The following NSUN6 variants were observed in gnomAD, a reference collection of about 807,000 sequenced individuals.
NSUN6 encodes tRNA (cytosine(72)-C(5))-methyltransferase NSUN6.
A neutral mutation model predicts 58.0 loss-of-function variants in NSUN6; 64 were observed. The ratio of observed to expected loss-of-function variants is 1.10; its 90% CI spans 0.90 to 1.36. The LOEUF is 1.36. Among genes scored for constraint, NSUN6 ranks in the 40% most tolerant of loss-of-function variants. The pLI, the probability that NSUN6 is intolerant of heterozygous loss-of-function variation, is 0.00. For synonymous variants in NSUN6, 231 were observed against 193.9 expected (o/e 1.19, Z -1.59); for missense variants, 701 against 550.1 (o/e 1.27, Z -2.74).
At position 18,605,157 on chromosome 10, in the gene NSUN6, T is replaced by C. The variant is rs367807792; in HGVS notation, c.657+4688A>G. Among the ~76,000 whole-genome samples the C allele has an allele frequency of 1.2e-4, 18 of 150,736 alleles. No homozygotes were observed. The East Asian group carries it at 3.0e-3, about 25-fold the overall frequency. On this transcript the variant is annotated intron_variant, in intron 6 of 10. Transcript: ENST00000377304. ...GTCTCGGCCTCCCAAAGTGCTGGGA[T>C]TACAGGCGTGAGCCACCGTGCCTAG...
chr10:18,558,386 A>G (rs1352498955), intron 8 of NSUN6, among the ~76,000 whole-genome samples: 1 of 151,146 alleles, frequency 6.6e-6, no homozygotes, highest in Non-Finnish European at 1.5e-5. Flanking sequence ...ATGGAATGGA[A>G]TGCAGTGGTG....
intron 3 of NSUN6, among the ~76,000 whole-genome samples, chr10:18,637,419 A>G (rs1384099613): frequency 1.3e-5 from 2 of 152,274 alleles, no homozygotes; most frequent in African/African-American, 2.4e-5. Flanking sequence ...GGATGATTAA[A>G]GCCACATAAA....
In NSUN6 at chr10:18,550,130, C is replaced by T. The variant is rs2054511561; in HGVS notation, c.1071+1693G>A. ...GTCAGCTTTTCCTTCTCATTGAGAT[C>T]ATTCATCTACTCCTAGTAGCCTTTT... On this transcript the variant is annotated intron_variant, in intron 9 of 10. Transcript: ENST00000377304. Among the ~76,000 whole-genome samples, 5 of 152,200 alleles carry T rather than the reference C, an allele frequency of 3.3e-5. No homozygotes were observed. The South Asian group carries it at 1.0e-3, about 31-fold the overall frequency.
At chr10:18,612,473 T>C (rs770017807) in intron 5 of NSUN6, among the ~76,000 whole-genome samples, 8 of 152,164 alleles carry the variant, frequency 5.3e-5, no homozygotes, top group Non-Finnish European at 1.0e-4. Flanking sequence ...CTTACCTTGA[T>C]CAATACCCAG....
intron 5 of NSUN6, 71 bp from the exon 6 acceptor site, chr10:18,609,997 G>T: frequency 1.1e-6 from 1 of 910,918 alleles, no homozygotes; most frequent in Non-Finnish European, 1.8e-6. Flanking sequence ...TTCCAGAAAC[G>T]TTCTCCAATA....
At chr10:18,652,991 C>T, upstream of NSUN6, 1 of 985,014 alleles carries the variant, frequency 1.0e-6, no homozygotes, top group Middle Eastern at 5.2e-4. Flanking sequence ...TTGACCATAG[C>T]ATATTTCTTC....
At chr10:18,602,549 T>C (rs558823041) in intron 6 of NSUN6, among the ~76,000 whole-genome samples, 17 of 145,650 alleles carry the variant, frequency 1.2e-4, no homozygotes, top group Admixed American at 8.9e-4. Flanking sequence ...TTTGTATTTT[T>C]AGTAGAGATG....
At chr10:18,641,186 C>T (rs1472576780) in intron 3 of NSUN6, among the ~76,000 whole-genome samples, 11 of 151,970 alleles carry the variant, frequency 7.2e-5, no homozygotes, top group Non-Finnish European at 8.8e-5. Context: ...TTTATTAAAC[C>T]ACTGCTCTAT....
intron 8 of NSUN6, among the ~76,000 whole-genome samples, chr10:18,580,532 C>T (rs1348254583): frequency 2.0e-5 from 3 of 152,138 alleles, no homozygotes; most frequent in Non-Finnish European, 4.4e-5. Context: ...TCCACCCAGC[C>T]CCCATTCATA....
At chr10:18,562,202 G>T (rs1381038622) in intron 8 of NSUN6, among the ~76,000 whole-genome samples, 1 of 150,326 alleles carries the variant, frequency 6.7e-6, no homozygotes, top group East Asian at 2.0e-4. Context: ...GAATGGAATG[G>T]AGAATAGAAT....
At chr10:18,637,208 C>T (rs1285282112) in intron 3 of NSUN6, among the ~76,000 whole-genome samples, 2 of 152,056 alleles carry the variant, frequency 1.3e-5, no homozygotes, top group African/African-American at 4.8e-5. Flanking sequence ...GGTGATCCAC[C>T]CCCCTGGGCC....
chr10:18,648,505 A>G lies in NSUN6; in HGVS notation c.216T>C (p.Leu72=). The change falls in exon 2 of 11, where the codon CTT becomes CTC. Residue 72 remains leucine (L), a synonymous_variant. Transcript: ENST00000377304. ...TTCCACAAACCTTCTGAAGTTCATCAAGTAACAGATTTTTCACATGTTGTA... is the reference window on the plus strand; with the variant it reads ...TTCCACAAACCTTCTGAAGTTCATCGAGTAACAGATTTTTCACATGTTGTA... ...ASVQHVKNLL[L]DELQKQFNGL... 1 of 1,599,526 alleles carries G rather than the reference A, an allele frequency of 6.3e-7. No individual in the cohort carries two copies. Among genetic ancestry groups the G allele is most frequent in the Non-Finnish European group, 8.5e-7 (1 of 1,170,446 alleles).
At chr10:18,563,344 A>T (rs145222349) in intron 8 of NSUN6, among the ~76,000 whole-genome samples, 1 of 151,108 alleles carries the variant, frequency 6.6e-6, no homozygotes, top group African/African-American at 2.4e-5. Flanking sequence ...ATGGAATAGA[A>T]TAGAGAATGA....
chr10:18,582,612 G>A (rs1220150941), intron 8 of NSUN6, among the ~76,000 whole-genome samples: 1 of 152,152 alleles, frequency 6.6e-6, no homozygotes, highest in African/African-American at 2.4e-5. Flanking sequence ...ATCAGATGGT[G>A]GGGCAACTTA....
chr10:18,623,939 C>T (rs1334825524), intron 3 of NSUN6, among the ~76,000 whole-genome samples: 2 of 152,142 alleles, frequency 1.3e-5, no homozygotes, highest in African/African-American at 2.4e-5. Flanking sequence ...TTCCCCCATT[C>T]TGGATCCTTC....
In NSUN6 at chr10:18,590,617, C is replaced by T. The variant is rs536077426; in HGVS notation, c.778-4524G>A. On this transcript the variant is annotated intron_variant, in intron 7 of 10. Transcript: ENST00000377304. ...ATTAAGAAACTCACTCAAAACCGCACGACTACATGGAAATTGAACAACTTG... is the reference window on the plus strand; with the variant it reads ...ATTAAGAAACTCACTCAAAACCGCATGACTACATGGAAATTGAACAACTTG... Among the ~76,000 whole-genome samples, 13 of 152,264 alleles carry T rather than the reference C, an allele frequency of 8.5e-5. No homozygotes were observed. The South Asian group carries it at 2.7e-3, about 32-fold the overall frequency.
At position 18,592,255 on chromosome 10, in the gene NSUN6, T is replaced by C. The variant is rs537755067; in HGVS notation, c.777+3953A>G. Among the ~76,000 whole-genome samples the C allele has an allele frequency of 5.9e-5, 9 of 152,292 alleles. No homozygotes were observed. In the South Asian group the frequency reaches 1.9e-3, roughly 32 times the overall value. ...CAAATGGAAACAAATTCCATGCTCG[T>C]GGATAGGAAGAATCAATAACATCAA... On this transcript the variant is annotated intron_variant, in intron 7 of 10. Coordinates refer to ENST00000377304, the MANE Select transcript of NSUN6 (RefSeq NM_182543.5).
intron 8 of NSUN6, among the ~76,000 whole-genome samples, chr10:18,564,678 CTCCAT>C (rs1189135221): frequency 4.0e-5 from 6 of 150,626 alleles, no homozygotes; most frequent in Admixed American, 6.7e-5. Context: ...GCATTCTGTT[CTCCAT>C]TCCATTCCAT....
At chr10:18,551,656 G>A (rs543005776) in intron 9 of NSUN6, 167 bp downstream of exon 9, 24 of 507,334 alleles carry the variant, frequency 4.7e-5, no homozygotes, top group Middle Eastern at 9.4e-4. Context: ...AATGTTCCAT[G>A]TATGGATATA....
Sources: allele counts gnomAD v4.1 joint callset (sites outside exome capture counted in the v4.1 genomes callset), GRCh38; gene constraint gnomAD v4.1.1; transcripts MANE v1.5; gene names NCBI Gene and HGNC (gene_info 2026-07-23, HGNC 2026-07-21).